Variants in PSG9 observed in about 807,000 individuals in gnomAD.
PSG9 encodes pregnancy-specific beta-1-glycoprotein 9.
Under a neutral mutation model 41.9 loss-of-function variants are expected in PSG9, and 49 were observed. That is an observed-to-expected ratio of 1.17 (90% CI 0.93 to 1.48). The LOEUF (loss-of-function observed/expected upper bound fraction) is 1.48. PSG9 is among the 40% of genes most tolerant of loss of function. The pLI is 0.00. For synonymous variants in PSG9, 263 were observed against 196.8 expected, an observed-to-expected ratio of 1.34 and a Z score of -2.82; for missense variants, 641 against 520.3, an observed-to-expected ratio of 1.23 and a Z score of -2.26.
At chr19:43,265,220 A>G (rs965622595) in intron 2 of PSG9, among the ~76,000 whole-genome samples, 10 of 152,174 alleles carry the variant, frequency 6.6e-5, no homozygotes, top group African/African-American at 2.2e-4. Flanking sequence ...GTGAAAGACC[A>G]TGAGATTAAG....
At position 43,258,284 on chromosome 19, in the gene PSG9, A is replaced by C. The variant is rs767778006; in HGVS notation, c.1161T>G (p.Asn387Lys). ...CAGAGCAAGCATAGAGCCCGCTATGATTTCTAGTAATTTGGGGGATAAAGA... is the reference window on the plus strand; with the variant it reads ...CAGAGCAAGCATAGAGCCCGCTATGCTTTCTAGTAATTTGGGGGATAAAGA... ...QKLFIPQITR[N>K]HSGLYACSVH... Residue 387 changes from asparagine to lysine, a missense_variant, in exon 5 of 6, where the codon AAT (asparagine) becomes AAG (lysine). Coordinates refer to ENST00000270077, the MANE Select transcript of PSG9 (RefSeq NM_002784.5). 15 of 1,592,642 alleles carry C rather than the reference A, an allele frequency of 9.4e-6. 3 individuals carry two copies. Among genetic ancestry groups the C allele is most frequent in the African/African-American group, 7.1e-5 (5 of 70,796 alleles).
chr19:43,259,266 G>C (rs1333803999), intron 3 of PSG9, 131 bp from the exon 4 acceptor site: 7 of 1,395,754 alleles, frequency 5.0e-6, no homozygotes, highest in African/African-American at 1.5e-5. Flanking sequence ...GCTGGTGCGT[G>C]TGTCACAAGA....
At position 43,262,027 on chromosome 19, in the gene PSG9, C is replaced by A. The variant is rs1968743489; in HGVS notation, c.542G>T (p.Trp181Leu). ...PETLDASYLW[W>L]MNGQSLPVTH... ...CACAGGGAGGCTCTGACCATTCATC[C>A]ACCATAGGTAGCTTGCGTCCAGAGT... Residue 181 changes from tryptophan (W) to leucine (L), a missense_variant, in exon 3 of 6, where the codon TGG becomes TTG. Coordinates refer to ENST00000270077, the MANE Select transcript of PSG9 (RefSeq NM_002784.5). 6.2e-7 allele frequency: 1 copy of A among 1,613,906 alleles called. No individual in the cohort carries two copies. Among genetic ancestry groups the A allele is most frequent in the East Asian group, 2.2e-5 (1 of 44,878 alleles).
chr19:43,269,028 G>A (rs186518303), intron 1 of PSG9, among the ~76,000 whole-genome samples: 61 of 151,196 alleles, frequency 4.0e-4, no homozygotes, highest in Admixed American at 1.4e-3. Flanking sequence ...TTTTTGAGAC[G>A]GAGTCTCGTA....
chr19:43,263,224 G>T (rs934750665), intron 2 of PSG9, among the ~76,000 whole-genome samples: 2 of 152,150 alleles, frequency 1.3e-5, no homozygotes, highest in South Asian at 2.1e-4. Flanking sequence ...TGGGTGTGCA[G>T]TTCCAGTTAT....
chr19:43,259,372 G>C (rs2122517872), intron 3 of PSG9: 1 of 789,382 alleles, frequency 1.3e-6, no homozygotes, highest in Middle Eastern at 4.0e-4. Context: ...GAGCAGCAGT[G>C]TTGGGTCATG....
chr19:43,258,212 G>C lies in PSG9; in HGVS notation c.1233C>G (p.Val411=). The change falls in exon 5 of 6, where the codon GTC becomes GTG. Residue 411 remains valine, a synonymous_variant. Transcript: ENST00000270077. ...CTGGGATCCACTTACCAGAGACTTT[G>C]ACTGTCATGGATTTGGAGATTTCCT... ...TGKEISKSMT[V]KVSGPCHGDL... is the part of the protein sequence containing the mutation. 4 of 1,592,784 alleles carry C rather than the reference G, an allele frequency of 2.5e-6. No individual in the cohort carries two copies. The highest frequency in any genetic ancestry group is 2.6e-6 in the Non-Finnish European group (3 of 1,174,496).
intron 5 of PSG9, among the ~76,000 whole-genome samples, chr19:43,255,408 CA>C (rs1968411890): frequency 6.8e-6 from 1 of 146,460 alleles, no homozygotes; most frequent in African/African-American, 2.6e-5. Context: ...GCATCATACT[CA>C]ATGGAGAAAG....
In PSG9 at chr19:43,259,095, G is replaced by T. The variant is rs538308814; in HGVS notation, c.750C>A (p.Asn250Lys). 141 of 1,590,594 alleles carry T rather than the reference G, an allele frequency of 8.9e-5. 12 individuals carry two copies. The highest frequency in any genetic ancestry group is 6.7e-4 in the Middle Eastern group (3 of 4,490). ...PIPYITINNL[N>K]PRENKDVLAF... The stretch of plus-strand genomic sequence containing the variant: ...CTAAGACATCCTTATTCTCCCTGGG[G>T]TTTAAGTTGTTGATGGTGATGTAGG... The change falls in exon 4 of 6, where the codon AAC becomes AAA. Residue 250 changes from asparagine to lysine, a missense_variant. Asn to Lys is a moderately conservative substitution (Grantham distance 94). Coordinates refer to ENST00000270077, the MANE Select transcript of PSG9 (RefSeq NM_002784.5).
rs979827194 is a variant in PSG9, at chr19:43,255,246, C to A, written c.1244-1600G>T. ...AGATGAAATGGACCAACTCCTAGAACCACACAAAAATATGAGTATAACTAT... is the reference window on the plus strand; with the variant it reads ...AGATGAAATGGACCAACTCCTAGAAACACACAAAAATATGAGTATAACTAT... On this transcript the variant is annotated intron_variant, in intron 5 of 5. Coordinates refer to ENST00000270077, the MANE Select transcript of PSG9 (RefSeq NM_002784.5). Among the ~76,000 whole-genome samples, 19 of 146,204 alleles carry A rather than the reference C, an allele frequency of 1.3e-4. 3 individuals are homozygous for A. Among genetic ancestry groups the A allele is most frequent in the Admixed American group, 4.8e-4 (7 of 14,686 alleles).
chr19:43,260,664 G>C (rs999999335), intron 3 of PSG9: 4 of 150,540 alleles, frequency 2.7e-5, no homozygotes, highest in African/African-American at 9.9e-5. Flanking sequence ...CTTTTTCTCA[G>C]TGTTTGTGTT....
At position 43,259,353 on chromosome 19, in the gene PSG9, G is replaced by A; in HGVS notation, c.710-218C>T. 4.3e-6 allele frequency: 4 copies of A among 920,892 alleles called. 1 individual carries two copies. The highest frequency in any genetic ancestry group is 7.8e-5 in the East Asian group (2 of 25,770). 57.0% of individuals were successfully genotyped at this position (920,892 alleles called of 1,614,324 possible). A position where few individuals can be genotyped will look rare whatever the true frequency, so the allele number is the denominator to read the frequency against. On this transcript the variant is annotated intron_variant, in intron 3 of 5. Coordinates refer to ENST00000270077, the MANE Select transcript of PSG9 (RefSeq NM_002784.5). Reference sequence around the variant, plus strand: ...CTTAGGGAAGCACAGACTTTCTCAAGTGTCAATTGAGCAGCAGTGTTGGGT... The same window carrying A: ...CTTAGGGAAGCACAGACTTTCTCAAATGTCAATTGAGCAGCAGTGTTGGGT...
intron 3 of PSG9, chr19:43,260,684 A>T (rs1009975597): frequency 2.0e-5 from 3 of 151,528 alleles, no homozygotes; most frequent in African/African-American, 7.3e-5. Context: ...TGTGGCAGTC[A>T]TTAATAAGAT....
rs1364100917 is a variant in PSG9 at position 43,258,435 on chromosome 19, A to T, written c.1010T>A (p.Ile337Asn). The change falls in exon 5 of 6, where the codon ATT becomes AAT. Residue 337 changes from isoleucine (I) to asparagine (N), a missense_variant. By Grantham distance (149) the Ile-to-Asn change is moderately radical. Coordinates refer to ENST00000270077, the MANE Select transcript of PSG9 (RefSeq NM_002784.5). ...NVLYGPDLPRIYPSFTYYRSG... is the reference protein window; with the variant it reads ...NVLYGPDLPRNYPSFTYYRSG... ...ACGGTAATAGGTGAATGAAGGGTAA[A>T]TTCTGGGGAGGTCTGGACCATCTGG... The T allele has an allele frequency of 1.3e-6, 2 of 1,582,060 alleles. No homozygotes were observed. Among genetic ancestry groups the T allele is most frequent in the East Asian group, 2.7e-5 (1 of 37,454 alleles).
intron 2 of PSG9, 85 bp from the exon 3 acceptor site, chr19:43,262,223 C>A (rs1968758568): frequency 5.8e-6 from 9 of 1,551,084 alleles, no homozygotes; most frequent in South Asian, 1.3e-5. Flanking sequence ...TGGCATTTCC[C>A]ACCTCTCAGC....
chr19:43,266,945 A>G (rs1219947999), intron 2 of PSG9, among the ~76,000 whole-genome samples: 6 of 152,186 alleles, frequency 3.9e-5, no homozygotes, highest in Admixed American at 6.5e-5. Context: ...TAAATGTTAA[A>G]TGATTCACAG....
chr19:43,258,082 G>C, intron 5 of PSG9, 120 bp downstream of exon 5: 1 of 1,588,882 alleles, frequency 6.3e-7, no homozygotes, highest in Non-Finnish European at 8.5e-7. Flanking sequence ...AGGAGAATTT[G>C]GGATTTGCTT....
intron 2 of PSG9, among the ~76,000 whole-genome samples, chr19:43,265,094 T>C (rs191638291): frequency 8.5e-5 from 13 of 152,250 alleles, no homozygotes; most frequent in Admixed American, 1.3e-4. Context: ...TGGACATAGG[T>C]CAGGCTAACC....
chr19:43,269,249 C>A (rs1969133052), intron 1 of PSG9, 119 bp downstream of exon 1: 1 of 1,534,100 alleles, frequency 6.5e-7, no homozygotes, highest in Non-Finnish European at 8.9e-7. Flanking sequence ...CGTGATCCAC[C>A]CACCTCAGCC....
Sources: allele counts gnomAD v4.1 joint callset (sites outside exome capture counted in the v4.1 genomes callset), GRCh38; gene constraint gnomAD v4.1.1; transcripts MANE v1.5; gene names NCBI Gene and HGNC (gene_info 2026-07-23, HGNC 2026-07-21).